Variants in UNC5B observed in about 807,000 individuals in gnomAD.
The protein encoded by UNC5B is netrin receptor UNC5B.
A neutral mutation model predicts 103.7 loss-of-function variants in UNC5B; 56 were observed. The observed-to-expected ratio is 0.54, with a 90% CI of 0.44 to 0.67. UNC5B has a LOEUF of 0.67. Ranked by LOEUF, UNC5B falls within the 30% of genes least tolerant of loss-of-function variation. The probability of loss-of-function intolerance (pLI) is 0.00; values close to 1 mark genes in which losing one functional copy is unlikely to be tolerated. For synonymous variants in UNC5B, 577 were observed against 542.0 expected, an observed-to-expected ratio of 1.06 and a Z score of -0.90; for missense variants, 1,194 against 1,284.5, an observed-to-expected ratio of 0.93 and a Z score of 1.08.
intron 1 of UNC5B, among the ~76,000 whole-genome samples, chr10:71,275,458 C>T (rs1844747133): frequency 6.6e-6 from 1 of 152,202 alleles, no homozygotes. Context: ...ACCAGGTGAC[C>T]CTTCATGTCC....
chr10:71,260,538 G>A (rs1378459948), intron 1 of UNC5B, among the ~76,000 whole-genome samples: 1 of 152,222 alleles, frequency 6.6e-6, no homozygotes, highest in Admixed American at 6.5e-5. Flanking sequence ...TCCCTGCAGG[G>A]CCTCTGGGCT....
intron 15 of UNC5B, among the ~76,000 whole-genome samples, chr10:71,297,084 G>A (rs1845460338): frequency 6.6e-6 from 1 of 152,244 alleles, no homozygotes; most frequent in Admixed American, 6.5e-5. Flanking sequence ...CACCACGCTG[G>A]TGGAGGTGAG....
rs565616965 is a variant in UNC5B, at chr10:71,228,695, C to T, written c.79+15631C>T. On this transcript the variant is annotated intron_variant, in intron 1 of 16. Coordinates refer to ENST00000335350, the MANE Select transcript of UNC5B (RefSeq NM_170744.5). Reference sequence around the variant, plus strand: ...TTACCAGACGGGAAAACATGAAACACTGTGGCCTCACATTCAGTTGTGGAG... The same window carrying T: ...TTACCAGACGGGAAAACATGAAACATTGTGGCCTCACATTCAGTTGTGGAG... Among the ~76,000 whole-genome samples the T allele has an allele frequency of 2.6e-5, 4 of 152,362 alleles. No homozygotes were observed. The East Asian group carries it at 5.8e-4, about 22-fold the overall frequency.
chr10:71,224,367 A>ACACACT (rs1564705411), intron 1 of UNC5B, among the ~76,000 whole-genome samples: 1 of 47,738 alleles, frequency 2.1e-5, no homozygotes, highest in Non-Finnish European at 3.8e-5. Context: ...GTATGTAGAC[A>ACACACT]CACACACACA....
At chr10:71,288,535 G>C (rs115548057) in intron 6 of UNC5B, 33 bp from the exon 7 acceptor site, 9 of 1,599,406 alleles carry the variant, frequency 5.6e-6, no homozygotes, top group Middle Eastern at 3.4e-4. Flanking sequence ...ATGTCTCTGC[G>C]TGCACATGCT....
At chr10:71,283,674 A>G (rs931020592) in intron 2 of UNC5B, among the ~76,000 whole-genome samples, 15 of 152,196 alleles carry the variant, frequency 9.9e-5, no homozygotes, top group Non-Finnish European at 2.1e-4. Context: ...GGAACTTCAG[A>G]TGAATGTCCC....
At chr10:71,285,218 A>T (rs1195519229) in intron 3 of UNC5B, 108 bp from the exon 4 acceptor site, 1 of 1,191,074 alleles carries the variant, frequency 8.4e-7, no homozygotes, top group Non-Finnish European at 1.2e-6. Flanking sequence ...AGGTGGGCCC[A>T]TCAACAGTAC....
chr10:71,247,169 C>T (rs748599795), intron 1 of UNC5B, among the ~76,000 whole-genome samples: 64 of 152,220 alleles, frequency 4.2e-4, no homozygotes, highest in Non-Finnish European at 6.8e-4. Context: ...TAATAGACCA[C>T]CAGCTTATTC....
intron 1 of UNC5B, among the ~76,000 whole-genome samples, chr10:71,259,471 G>T (rs965324340): frequency 6.6e-6 from 1 of 151,844 alleles, no homozygotes; most frequent in African/African-American, 2.4e-5. Flanking sequence ...AAGCACTTCT[G>T]CATCTATAAG....
At chr10:71,296,100 C>T (rs983377837) in intron 14 of UNC5B, 140 bp downstream of exon 14, 17 of 1,246,542 alleles carry the variant, frequency 1.4e-5, no homozygotes, top group Non-Finnish European at 1.8e-5. Context: ...TGTCTCCTCC[C>T]ACCCCAGTCT....
At chr10:71,294,801 A>G (rs930211769) in intron 13 of UNC5B, among the ~76,000 whole-genome samples, 1 of 151,944 alleles carries the variant, frequency 6.6e-6, no homozygotes, top group Non-Finnish European at 1.5e-5. Flanking sequence ...TAGTACCTAG[A>G]GCCTGATGAT....
chr10:71,242,264 T>C (rs1843920919), intron 1 of UNC5B, among the ~76,000 whole-genome samples: 1 of 152,120 alleles, frequency 6.6e-6, no homozygotes, highest in African/African-American at 2.4e-5. Flanking sequence ...TCCCCCTGGG[T>C]GAGATGATCT....
At chr10:71,268,048 C>T (rs1200492935) in intron 1 of UNC5B, among the ~76,000 whole-genome samples, 1 of 152,232 alleles carries the variant, frequency 6.6e-6, no homozygotes, top group Non-Finnish European at 1.5e-5. Context: ...AGCCCCAGTC[C>T]TGCCTTGGGA....
rs1319907307 is a variant in UNC5B at position 71,288,724 on chromosome 10, G to T, written c.1058G>T (p.Cys353Phe). The T allele has an allele frequency of 6.2e-7, 1 of 1,609,846 alleles. No individual in the cohort carries two copies. Among genetic ancestry groups the T allele is most frequent in the Non-Finnish European group, 8.5e-7 (1 of 1,177,268 alleles). ...TCTAAGAACTGCACAGATGGGCTGT[G>T]CATGCAAAGTGAGTCACAGGGAAGG... ...LDSKNCTDGLCMQNKKTLSDP... is the reference protein window; with the variant it reads ...LDSKNCTDGLFMQNKKTLSDP... The change falls in exon 7 of 17, where the codon TGC (cysteine) becomes TTC (phenylalanine). Residue 353 changes from cysteine (C) to phenylalanine (F), a missense_variant. Physicochemically the swap from Cys to Phe is radical, Grantham distance 205 (BLOSUM62 -2). Transcript: ENST00000335350.
intron 1 of UNC5B, among the ~76,000 whole-genome samples, chr10:71,227,655 T>C (rs923453763): frequency 1.4e-5 from 2 of 147,536 alleles, no homozygotes; most frequent in East Asian, 1.9e-4. Context: ...TACATATATA[T>C]ACATATATAT....
rs1358299697 is a variant in UNC5B, at chr10:71,241,268, G to A, written c.79+28204G>A. Among the ~76,000 whole-genome samples the A allele has an allele frequency of 2.0e-5, 3 of 152,272 alleles. No individual in the cohort carries two copies. In the East Asian group the frequency reaches 5.8e-4, roughly 29 times the overall value. On this transcript the variant is annotated intron_variant, in intron 1 of 16. Coordinates refer to ENST00000335350, the MANE Select transcript of UNC5B (RefSeq NM_170744.5). ...GCTAGAGGAGAGGTTGCCTAAGCAG[G>A]CCTGAGAAGCTTGGTGGGTTGCCAG...
At chr10:71,248,867 TCA>T (rs56852987) in intron 1 of UNC5B, among the ~76,000 whole-genome samples, 2,152 of 26,514 alleles carry the variant, frequency 0.081, 36 homozygotes, top group Middle Eastern at 0.13. Context: ...TCTCTCTCTC[TCA>T]CACACACACA....
Position 71,259,313 on chromosome 10 carries a change from C to T in UNC5B, c.80-20508C>T, listed in dbSNP as rs557041164. Among the ~76,000 whole-genome samples, 5 of 150,160 alleles carry T rather than the reference C, an allele frequency of 3.3e-5. No homozygotes were observed. In the East Asian group the frequency reaches 5.9e-4, roughly 18 times the overall value. ...CTGAGGCAGGAGAATCATTTGAACCCGGGAGGCAGAGGTTGTAGTGAGCCG... is the reference window on the plus strand; with the variant it reads ...CTGAGGCAGGAGAATCATTTGAACCTGGGAGGCAGAGGTTGTAGTGAGCCG... On this transcript the variant is annotated intron_variant, in intron 1 of 16. Coordinates refer to ENST00000335350, the MANE Select transcript of UNC5B (RefSeq NM_170744.5).
chr10:71,217,950 T>C (rs899337183), intron 1 of UNC5B: 40 of 152,284 alleles, frequency 2.6e-4, no homozygotes, highest in African/African-American at 8.9e-4. Flanking sequence ...GCCGCCCTCC[T>C]TCTCACCTCC....
Sources: allele counts gnomAD v4.1 joint callset (sites outside exome capture counted in the v4.1 genomes callset), GRCh38; gene constraint gnomAD v4.1.1; transcripts MANE v1.5; gene names NCBI Gene and HGNC (gene_info 2026-07-23, HGNC 2026-07-21).